PHB1: variants seen among roughly 807,000 people sequenced by gnomAD.
PHB1 encodes prohibitin 1.
At chr17:49,413,806 G>A in the PHB1 span, among the ~76,000 whole-genome samples, 5 of 152,034 alleles carry the variant, frequency 3.3e-5, no homozygotes, top group African/African-American at 9.7e-5. Context: ...ATCATGCCTG[G>A]CTGATTTCTC....
chr17:49,414,286 T>G, the PHB1 span: 1 of 152,078 alleles, frequency 6.6e-6, no homozygotes, highest in Non-Finnish European at 1.5e-5. Context: ...AAGAACGACA[T>G]GCTTCTTATG....
chr17:49,410,937 T>A, the PHB1 span, among the ~76,000 whole-genome samples: 1 of 152,204 alleles, frequency 6.6e-6, no homozygotes, highest in Non-Finnish European at 1.5e-5. Flanking sequence ...AGAATTATAC[T>A]TTCCCCTGGA....
the PHB1 span, chr17:49,414,607 C>T: frequency 6.6e-6 from 1 of 152,326 alleles, no homozygotes; most frequent in Admixed American, 6.5e-5. Context: ...GCTGGGACAC[C>T]CGGCCCTTTA....
At chr17:49,414,215 G>A in the PHB1 span, 8 of 152,096 alleles carry the variant, frequency 5.3e-5, no homozygotes, top group Admixed American at 5.2e-4. Context: ...AGAACCCAGA[G>A]GTCTAATGCT....
the PHB1 span, chr17:49,406,641 T>C: frequency 0.44 from 337,153 of 762,266 alleles, 76,975 homozygotes; most frequent in African/African-American, 0.66. Context: ...AAGCCCCTTC[T>C]GATTATCCCG....
chr17:49,412,940 C>A, the PHB1 span: 3 of 455,916 alleles, frequency 6.6e-6, no homozygotes, highest in Non-Finnish European at 1.2e-5. Flanking sequence ...ACACATCCAA[C>A]TAGGAAGTGG....
the PHB1 span, among the ~76,000 whole-genome samples, chr17:49,413,612 G>A: frequency 2.6e-5 from 4 of 150,966 alleles, no homozygotes; most frequent in African/African-American, 7.3e-5. Context: ...AGGCTCAAGC[G>A]ATCTTCTCAC....
At chr17:49,404,982 G>A in the PHB1 span, 1 of 1,545,202 alleles carries the variant, frequency 6.5e-7, no homozygotes, top group Admixed American at 2.0e-5. Context: ...GGTGCAGGCA[G>A]GGTGGGCCCT....
the PHB1 span, among the ~76,000 whole-genome samples, chr17:49,413,531 C>T: frequency 7.5e-6 from 1 of 132,614 alleles, no homozygotes; most frequent in Admixed American, 8.5e-5. Context: ...TTTTTGGAGA[C>T]AGGGTCTTGC....
chr17:49,408,856 A>G, the PHB1 span: 1 of 561,418 alleles, frequency 1.8e-6, no homozygotes, highest in Non-Finnish European at 3.2e-6. Context: ...GGCAGGGGGA[A>G]GGTAAAAGAA....
At chr17:49,411,844 G>A in the PHB1 span, 10 of 1,612,658 alleles carry the variant, frequency 6.2e-6, no homozygotes, top group Non-Finnish European at 5.1e-6. Flanking sequence ...CATCCACTAG[G>A]AAGAAAGGAC....
At chr17:49,405,927 T>C in the PHB1 span, among the ~76,000 whole-genome samples, 1 of 152,118 alleles carries the variant, frequency 6.6e-6, no homozygotes, top group Non-Finnish European at 1.5e-5. Context: ...GCCCTACCAA[T>C]ATCAATAGGA....
At chr17:49,409,416 A>G in the PHB1 span, 3 of 1,613,442 alleles carry the variant, frequency 1.9e-6, no homozygotes, top group Non-Finnish European at 2.5e-6. Flanking sequence ...GATGCGAGGA[A>G]GCTGGCTGGC....
the PHB1 span, chr17:49,404,739 C>A: frequency 1.9e-6 from 1 of 523,660 alleles, no homozygotes; most frequent in Non-Finnish European, 3.5e-6. Context: ...GGACCTAAAG[C>A]TGGTTTGCAT....
the PHB1 span, among the ~76,000 whole-genome samples, chr17:49,410,650 T>G: frequency 3.3e-5 from 5 of 152,100 alleles, no homozygotes; most frequent in Non-Finnish European, 7.4e-5. Flanking sequence ...TTAGTTCGGG[T>G]CTGGTGGAAA....
the PHB1 span, chr17:49,409,543 GTTTTTTTTTTT>G: frequency 1.3e-5 from 11 of 839,084 alleles, no homozygotes; most frequent in Non-Finnish European, 1.9e-5. Flanking sequence ...TTTTTTTTTT[GTTTTTTTTTTT>G]TTTTGAGACA....
At chr17:49,411,900 A>T in the PHB1 span, 1 of 1,513,000 alleles carries the variant, frequency 6.6e-7, no homozygotes, top group South Asian at 1.2e-5. Flanking sequence ...CAAAAGGATC[A>T]TGTCTTTGAA....
the PHB1 span, chr17:49,409,547 T>TTTG: frequency 2.1e-6 from 2 of 948,192 alleles, no homozygotes; most frequent in African/African-American, 3.2e-5. Flanking sequence ...TTTTTTGTTT[T>TTTG]TTTTTTTTTT....
chr17:49,409,540 TTTG>T, the PHB1 span: 15 of 1,073,340 alleles, frequency 1.4e-5, no homozygotes, highest in Admixed American at 2.5e-5. Context: ...GTGTTTTTTT[TTTG>T]TTTTTTTTTT....
Sources: allele counts gnomAD v4.1 joint callset (sites outside exome capture counted in the v4.1 genomes callset), GRCh38; gene constraint gnomAD v4.1.1; transcripts MANE v1.5; gene names NCBI Gene and HGNC (gene_info 2026-07-23, HGNC 2026-07-21).